Variants in RPS6KA2 observed in about 807,000 individuals in gnomAD.
The protein encoded by RPS6KA2 is ribosomal protein S6 kinase A2.
RPS6KA2 carries 42 observed loss-of-function variants against 91.8 expected under a neutral mutation model. That is an observed-to-expected ratio of 0.46 (90% confidence interval 0.36 to 0.59). RPS6KA2 has a LOEUF of 0.59. Ranked by LOEUF, RPS6KA2 falls within the 20% of genes least tolerant of loss-of-function variation. RPS6KA2 has a pLI of 0.00. For synonymous variants in RPS6KA2, 414 were observed against 393.6 expected (o/e 1.05, Z -0.61); for missense variants, 798 against 978.5 (o/e 0.82, Z 2.46).
rs572079255 is a variant in RPS6KA2, at chr6:166,656,605, C to T, written c.124-117821G>A. On this transcript the variant is annotated intron_variant, in intron 2 of 21. Coordinates refer to the RPS6KA2 transcript ENST00000503859. ...GCCTCCAGCCCTGGTCTCTGGGATG[C>T]GAAGATGGATGGAAAGACCATATGA... Among the ~76,000 whole-genome samples the T allele has an allele frequency of 3.3e-5, 5 of 152,366 alleles. No individual in the cohort carries two copies. The East Asian group carries it at 7.7e-4, about 24-fold the overall frequency.
In RPS6KA2 at chr6:166,809,805, A is replaced by C. The variant is rs113295724; in HGVS notation, c.123+48395T>G. On this transcript the variant is annotated intron_variant, in intron 2 of 21. Transcript: ENST00000503859. ...TTATTCAGATTAAGAACAGGCAGCC[A>C]ATGACTCAGAACTTCATTCCTGAGA... Among the ~76,000 whole-genome samples the C allele has an allele frequency of 8.4e-3, 1,273 of 152,330 alleles. 25 individuals are homozygous for C. Among genetic ancestry groups the C allele is most frequent in the African/African-American group, 0.029 (1,219 of 41,574 alleles).
Position 166,508,131 on chromosome 6 carries a change from C to T in RPS6KA2, c.459+72G>A. 1.0e-6 allele frequency: 1 copy of T among 975,214 alleles called. No homozygotes were observed. 60.4% of individuals were successfully genotyped at this position (975,214 alleles called of 1,614,324 possible). A position where few individuals can be genotyped will look rare whatever the true frequency, so the allele number is the denominator to read the frequency against. On this transcript the variant is annotated intron_variant, in intron 5 of 20. Transcript: ENST00000265678. This position sits in a 1 kb window ranked among gnomAD's most constrained non-coding sequence, Gnocchi z 4.3. ...CGTGCTCACGTCCTCTCAATGCTCT[C>T]CACCCCTCCTCCCCTCGAGTCCCAG... is the stretch of plus-strand genomic sequence containing the variant.
At position 166,419,297 on chromosome 6, in the gene RPS6KA2, G is replaced by A. The variant is rs1778644144; in HGVS notation, c.1820+585C>T. ...ACCTTCCTGCCTAGAAGCAACCATGGTGTGTCCTCTTCTCACTCAGGGGAG... is the reference window on the plus strand; with the variant it reads ...ACCTTCCTGCCTAGAAGCAACCATGATGTGTCCTCTTCTCACTCAGGGGAG... On this transcript the variant is annotated intron_variant, in intron 18 of 20. Coordinates refer to ENST00000265678, the MANE Select transcript of RPS6KA2 (RefSeq NM_021135.6). The surrounding 1 kb of genome is among the most constrained non-coding windows in gnomAD (Gnocchi z 5.6). 1.3e-5 allele frequency among the ~76,000 whole-genome samples: 2 copies of A among 152,214 alleles called. No homozygotes were observed. Among genetic ancestry groups the A allele is most frequent in the African/African-American group, 4.8e-5 (2 of 41,444 alleles).
At chr6:166,818,263 C>T (rs997735279) in intron 2 of RPS6KA2, among the ~76,000 whole-genome samples, 1 of 152,106 alleles carries the variant, frequency 6.6e-6, no homozygotes, top group African/African-American at 2.4e-5. Flanking sequence ...CGCTGCATTT[C>T]GTTGTGATGT....
chr6:166,771,296 T>C (rs1017760026), intron 2 of RPS6KA2, among the ~76,000 whole-genome samples: 11 of 152,174 alleles, frequency 7.2e-5, no homozygotes, highest in Admixed American at 1.3e-4. Flanking sequence ...GACTCTAAAC[T>C]CTAGTCTATG....
At chr6:166,618,921 G>A (rs1023887613) in intron 1 of RPS6KA2, among the ~76,000 whole-genome samples, 4 of 151,636 alleles carry the variant, frequency 2.6e-5, no homozygotes, top group African/African-American at 4.9e-5. Context: ...TGGACGCTGC[G>A]CGCAAGAGCC....
intron 1 of RPS6KA2, among the ~76,000 whole-genome samples, chr6:166,562,236 A>T (rs932314177): frequency 6.6e-6 from 1 of 152,102 alleles, no homozygotes; most frequent in Non-Finnish European, 1.5e-5. Flanking sequence ...TCTCTAGGAG[A>T]GCTGCTTAGT....
chr6:166,751,441 G>A lies in RPS6KA2; in HGVS notation c.123+106759C>T, dbSNP rs529080627. On this transcript the variant is annotated intron_variant, in intron 2 of 21. Coordinates refer to the RPS6KA2 transcript ENST00000503859. ...GTCTGCTCTGCAGCAGGAGGCAGCT[G>A]AGCAGAGCCTGTAACCCCTCAGGGG... Among the ~76,000 whole-genome samples the A allele has an allele frequency of 2.0e-5, 3 of 152,376 alleles. No homozygotes were observed. In the East Asian group the frequency reaches 5.8e-4, roughly 29 times the overall value.
intron 2 of RPS6KA2, among the ~76,000 whole-genome samples, chr6:166,700,008 C>T (rs1227234096): frequency 1.3e-5 from 2 of 152,224 alleles, no homozygotes; most frequent in Non-Finnish European, 2.9e-5. Context: ...TACTGGCAAA[C>T]TAAGCATCCT....
rs1434887308 is a variant in RPS6KA2 at position 166,666,810 on chromosome 6, T to C, written c.124-128026A>G. ...TGGAAAGCAGAGCCTCAAAGAGACA[T>C]TTGTACACTCACATTCATAGCAGCA... On this transcript the variant is annotated intron_variant, in intron 2 of 21. Coordinates refer to the RPS6KA2 transcript ENST00000503859. This position sits in a 1 kb window ranked among gnomAD's most constrained non-coding sequence, Gnocchi z 4.0. 6.6e-6 allele frequency among the ~76,000 whole-genome samples: 1 copy of C among 152,178 alleles called. No individual in the cohort carries two copies. The highest frequency in any genetic ancestry group is 2.4e-5 in the African/African-American group (1 of 41,432).
At chr6:166,427,488 A>T (rs1019135255) in intron 16 of RPS6KA2, among the ~76,000 whole-genome samples, 14 of 152,042 alleles carry the variant, frequency 9.2e-5, no homozygotes, top group African/African-American at 3.1e-4. Context: ...AGGGTATTCA[A>T]TTAGGAAAAG....
intron 2 of RPS6KA2, among the ~76,000 whole-genome samples, chr6:166,739,041 T>C (rs1230041664): frequency 6.6e-6 from 1 of 152,178 alleles, no homozygotes; most frequent in Non-Finnish European, 1.5e-5. Flanking sequence ...CTGGAAACTG[T>C]AGGAAAAATC....
chr6:166,491,369 G>T (rs1484254620), intron 8 of RPS6KA2, among the ~76,000 whole-genome samples: 2 of 152,122 alleles, frequency 1.3e-5, no homozygotes, highest in African/African-American at 4.8e-5. Flanking sequence ...TCTGAGCATG[G>T]GTTTCTTTCT....
At chr6:166,853,849 C>T (rs1187821213) in intron 2 of RPS6KA2, among the ~76,000 whole-genome samples, 1 of 152,230 alleles carries the variant, frequency 6.6e-6, no homozygotes, top group Non-Finnish European at 1.5e-5. Flanking sequence ...CCCCGGTGCT[C>T]CTTTGCCTCA....
chr6:166,618,651 A>G (rs765310041), intron 1 of RPS6KA2, among the ~76,000 whole-genome samples: 9 of 151,964 alleles, frequency 5.9e-5, no homozygotes, highest in Admixed American at 2.6e-4. Flanking sequence ...CTACTCTATA[A>G]CTCCCATGGC....
At chr6:166,637,555 G>A (rs1003867983) in intron 2 of RPS6KA2, among the ~76,000 whole-genome samples, 8 of 152,236 alleles carry the variant, frequency 5.3e-5, no homozygotes, top group African/African-American at 1.9e-4. Flanking sequence ...GGCTGCCTGC[G>A]CAGGTCTCTG....
chr6:166,595,050 A>G (rs1402134055), intron 1 of RPS6KA2, among the ~76,000 whole-genome samples: 1 of 135,224 alleles, frequency 7.4e-6, no homozygotes, highest in Non-Finnish European at 1.6e-5. Context: ...GAAATGAATA[A>G]TTTTTTTTTG....
At chr6:166,832,985 T>A (rs959192872) in intron 2 of RPS6KA2, among the ~76,000 whole-genome samples, 5 of 152,228 alleles carry the variant, frequency 3.3e-5, no homozygotes, top group African/African-American at 1.2e-4. Flanking sequence ...GTAAATGCAG[T>A]TTAATTTGCT....
At chr6:166,630,461 G>A (rs957977614), upstream of RPS6KA2, among the ~76,000 whole-genome samples, 38 of 152,230 alleles carry the variant, frequency 2.5e-4, no homozygotes, top group African/African-American at 8.7e-4. Context: ...TGAAACATTC[G>A]GTCTTCATTA....
Sources: allele counts gnomAD v4.1 joint callset (sites outside exome capture counted in the v4.1 genomes callset), GRCh38; gene constraint gnomAD v4.1.1; non-coding constraint Gnocchi (gnomAD v3.1); transcripts MANE v1.5; gene names NCBI Gene and HGNC (gene_info 2026-07-23, HGNC 2026-07-21).